Variants in RPS6KC1 observed in about 807,000 individuals in gnomAD.
The protein encoded by RPS6KC1 is ribosomal protein S6 kinase C1.
In RPS6KC1, 54 loss-of-function variants were observed where a neutral mutation model predicts 103.8. The ratio of observed to expected loss-of-function variants is 0.52; its 90% CI spans 0.42 to 0.65. The LOEUF (loss-of-function observed/expected upper bound fraction) is 0.65, where lower values mean the gene tolerates loss of function less well. RPS6KC1 is among the 30% of genes least tolerant of loss of function. The pLI, the probability that RPS6KC1 is intolerant of heterozygous loss-of-function variation, is 0.00. For missense variants in RPS6KC1, 1,151 were observed against 1,253.8 expected (o/e 0.92, Z 1.24); for synonymous variants, 439 against 438.7 (o/e 1.00, Z -0.01).
chr1:213,563,221 C>G, the RPS6KC1 span, among the ~76,000 whole-genome samples: 1 of 151,840 alleles, frequency 6.6e-6, no homozygotes, highest in East Asian at 1.9e-4. Context: ...TGTAAAAAGC[C>G]CCTCTTTAAT....
At chr1:213,708,538 T>G in the RPS6KC1 span, among the ~76,000 whole-genome samples, 1 of 152,190 alleles carries the variant, frequency 6.6e-6, no homozygotes, top group Non-Finnish European at 1.5e-5. Context: ...TGAATATGCT[T>G]TATTTCTTTC....
chr1:213,434,293 TTCACC>T, the RPS6KC1 span, among the ~76,000 whole-genome samples: 1 of 152,196 alleles, frequency 6.6e-6, no homozygotes, highest in South Asian at 2.1e-4. Flanking sequence ...AAGTCTTCAT[TTCACC>T]TTGAGTTTTG....
intron 1 of RPS6KC1, among the ~76,000 whole-genome samples, chr1:213,053,852 T>TC (rs1228522873): frequency 6.6e-6 from 1 of 151,372 alleles, no homozygotes; most frequent in Non-Finnish European, 1.5e-5. Flanking sequence ...TTTTTTTTTT[T>TC]CCAAGGCGTA....
At chr1:213,151,658 T>C in intron 6 of RPS6KC1, among the ~76,000 whole-genome samples, 1 of 72,452 alleles carries the variant, frequency 1.4e-5, no homozygotes, top group East Asian at 4.4e-4. Flanking sequence ...GGCTCCTCAC[T>C]TCCCAGTAGG....
chr1:213,449,483 G>T, the RPS6KC1 span, among the ~76,000 whole-genome samples: 1 of 152,110 alleles, frequency 6.6e-6, no homozygotes, highest in Non-Finnish European at 1.5e-5. Context: ...CTCTCTCTGT[G>T]TGCTCCTAGT....
chr1:213,332,206 G>A, the RPS6KC1 span, among the ~76,000 whole-genome samples: 1 of 152,270 alleles, frequency 6.6e-6, no homozygotes, highest in South Asian at 2.1e-4. Context: ...TAACAATTCT[G>A]TCATTTTATG....
chr1:213,293,140 C>G, the RPS6KC1 span, among the ~76,000 whole-genome samples: 3 of 152,192 alleles, frequency 2.0e-5, no homozygotes, highest in African/African-American at 7.2e-5. Flanking sequence ...GTGGGCATAG[C>G]CTGCACTGGC....
At chr1:213,647,695 C>T in the RPS6KC1 span, among the ~76,000 whole-genome samples, 7,370 of 152,214 alleles carry the variant, frequency 0.048, 260 homozygotes, top group East Asian at 0.16. Flanking sequence ...GGCTCCCAAA[C>T]GTTTTCTGTT....
the RPS6KC1 span, among the ~76,000 whole-genome samples, chr1:213,601,462 TA>T: frequency 1.4e-5 from 2 of 148,104 alleles, no homozygotes; most frequent in African/African-American, 4.9e-5. Flanking sequence ...TATATGTAAA[TA>T]TATATTTATA....
At chr1:213,549,612 C>CTTTTTTTTTT in the RPS6KC1 span, among the ~76,000 whole-genome samples, 59 of 86,918 alleles carry the variant, frequency 6.8e-4, no homozygotes, top group African/African-American at 1.6e-3. Flanking sequence ...TTTTCTTTTC[C>CTTTTTTTTTT]TTTTTTTTTT....
chr1:213,815,143 G>A, the RPS6KC1 span, among the ~76,000 whole-genome samples: 1 of 152,084 alleles, frequency 6.6e-6, no homozygotes, highest in African/African-American at 2.4e-5. Flanking sequence ...TTTATACGGG[G>A]CTTTTTTCCC....
chr1:213,402,976 A>T, the RPS6KC1 span, among the ~76,000 whole-genome samples: 1 of 150,208 alleles, frequency 6.7e-6, no homozygotes. Flanking sequence ...AAAAAAAAAA[A>T]AATTAGCCAG....
the RPS6KC1 span, among the ~76,000 whole-genome samples, chr1:213,318,856 G>A: frequency 1.3e-5 from 2 of 152,184 alleles, no homozygotes; most frequent in Non-Finnish European, 2.9e-5. Context: ...TTTGGGTAGG[G>A]ACACAGCCAA....
At chr1:213,083,527 T>C (rs914463040) in intron 3 of RPS6KC1, among the ~76,000 whole-genome samples, 5 of 152,160 alleles carry the variant, frequency 3.3e-5, no homozygotes, top group African/African-American at 9.7e-5. Flanking sequence ...GTTAGGAAGA[T>C]TGTACTTAAG....
rs2091128667 is a variant in RPS6KC1 at position 213,167,844 on chromosome 1, AC to A, written c.836-13del. The stretch of plus-strand genomic sequence containing the variant: ...GAAAATTTATTTTTTACATGTCCAG[AC>A]TTTTTTTTTTAGGAGAGTCAAGCCC... On this transcript the variant is annotated splice_polypyrimidine_tract_variant and intron_variant, in intron 6 of 14. Transcript: ENST00000366960. 6.4e-7 allele frequency: 1 copy of A among 1,553,950 alleles called. No homozygotes were observed. Among genetic ancestry groups the A allele is most frequent in the Non-Finnish European group, 8.8e-7 (1 of 1,136,552 alleles).
the RPS6KC1 span, among the ~76,000 whole-genome samples, chr1:213,592,795 C>T: frequency 1.3e-5 from 2 of 152,126 alleles, no homozygotes; most frequent in African/African-American, 4.8e-5. Context: ...ACAAGAGGGG[C>T]AAGCTTTGTG....
At chr1:213,417,400 G>A in the RPS6KC1 span, among the ~76,000 whole-genome samples, 1 of 152,156 alleles carries the variant, frequency 6.6e-6, no homozygotes, top group Non-Finnish European at 1.5e-5. Flanking sequence ...GGCACAGCGC[G>A]GAGTTGCTGT....
chr1:213,169,180 A>G (rs141683138), intron 7 of RPS6KC1, among the ~76,000 whole-genome samples: 60 of 152,276 alleles, frequency 3.9e-4, no homozygotes, highest in African/African-American at 1.3e-3. Context: ...TTTCCCCTTC[A>G]TATACCGGCT....
chr1:213,584,496 A>G, the RPS6KC1 span, among the ~76,000 whole-genome samples: 3 of 152,106 alleles, frequency 2.0e-5, no homozygotes, highest in Non-Finnish European at 4.4e-5. Context: ...CTGTTTCTAT[A>G]TCACCATTAT....
Sources: gnomAD v4.1 joint callset for allele counts (sites outside exome capture counted in the v4.1 genomes callset) on GRCh38, gnomAD v4.1.1 for gene constraint, MANE v1.5 for transcripts, NCBI Gene and HGNC (gene_info 2026-07-23, HGNC 2026-07-21) for gene names.